Variants in ZNF675 observed in about 807,000 individuals in gnomAD.
ZNF675 encodes zinc finger protein 675.
Under a neutral mutation model 56.1 loss-of-function variants are expected in ZNF675, and 36 were observed. The observed-to-expected ratio is 0.64, with a 90% CI of 0.49 to 0.85. The LOEUF (loss-of-function observed/expected upper bound fraction) is 0.85, where lower values mean the gene tolerates loss of function less well. Among genes scored for constraint, ZNF675 ranks in the 40% least tolerant of loss-of-function variants. The pLI is 0.00. For missense variants in ZNF675, 663 were observed against 654.2 expected (o/e 1.01, Z -0.15); for synonymous variants, 200 against 218.9 (o/e 0.91, Z 0.76).
At chr19:23,679,166 C>A (rs373530245) in intron 1 of ZNF675, among the ~76,000 whole-genome samples, 766 of 99,230 alleles carry the variant, frequency 7.7e-3, no homozygotes, top group East Asian at 0.014. Context: ...GACTCCGTCT[C>A]AAAAAAAAAA....
In ZNF675 at chr19:23,687,119, G is replaced by A. The variant is rs1599428488; in HGVS notation, c.-86C>T. The A allele has an allele frequency of 5.9e-6, 9 of 1,530,992 alleles. No individual in the cohort carries two copies. In the East Asian group the frequency reaches 1.1e-4, roughly 19 times the overall value. The allele number at this position is 1,530,992 out of a possible 1,614,324, so 94.8% of individuals were successfully genotyped here. On this transcript the variant is annotated 5_prime_UTR_variant, in exon 1 of 4. Transcript: ENST00000359788. ...CAGGCCCACAGAGGCTGGACCTCTA[G>A]GAGCAGAGGACACAGAGCAATGAAA... is the stretch of plus-strand genomic sequence containing the variant.
At position 23,680,392 on chromosome 19, in the gene ZNF675, T is replaced by C. The variant is rs562793325; in HGVS notation, c.3+6639A>G. The stretch of plus-strand genomic sequence containing the variant: ...CAAGATCATTTCTTTTGCAGCAACA[T>C]GTACAGAGCTAGAGACCACTATCCT... On this transcript the variant is annotated intron_variant, in intron 1 of 3. Coordinates refer to ENST00000359788, the MANE Select transcript of ZNF675 (RefSeq NM_138330.3). 5.9e-5 allele frequency among the ~76,000 whole-genome samples: 9 copies of C among 151,872 alleles called. 1 individual carries two copies. Among genetic ancestry groups the C allele is most frequent in the African/African-American group, 2.2e-4 (9 of 41,190 alleles).
At chr19:23,659,937 C>CGT (rs1306837740) in intron 3 of ZNF675, among the ~76,000 whole-genome samples, 7 of 144,772 alleles carry the variant, frequency 4.8e-5, no homozygotes, top group African/African-American at 1.0e-4. Context: ...TCTGCCTATA[C>CGT]AGAAACCCAC....
chr19:23,655,474 A>C (rs1967970830), intron 3 of ZNF675: 1 of 151,848 alleles, frequency 6.6e-6, no homozygotes, highest in Admixed American at 6.6e-5. Context: ...TCAGGTAAAG[A>C]AGCCAGGTTT....
Position 23,687,147 on chromosome 19 carries a change from G to A in ZNF675, c.-114C>T. 7.8e-7 allele frequency: 1 copy of A among 1,283,172 alleles called. No individual in the cohort carries two copies. The highest frequency in any genetic ancestry group is 1.1e-6 in the Non-Finnish European group (1 of 894,170). The allele number at this position is 1,283,172 out of a possible 1,614,324, so 79.5% of individuals were successfully genotyped here. A position where few individuals can be genotyped will look rare whatever the true frequency, so the allele number is the denominator to read the frequency against. On this transcript the variant is annotated 5_prime_UTR_variant, in exon 1 of 4. Transcript: ENST00000359788. The stretch of plus-strand genomic sequence containing the variant: ...GCAGAGGACACAGAGCAATGAAAGC[G>A]AGACCTGGAGCTCCGGCTGCAGCGA...
At chr19:23,666,395 A>G (rs1337720018) in intron 1 of ZNF675, among the ~76,000 whole-genome samples, 1 of 152,216 alleles carries the variant, frequency 6.6e-6, no homozygotes, top group African/African-American at 2.4e-5. Context: ...TCCTGCAACT[A>G]ATCAGAGCAA....
chr19:23,655,920 C>G (rs1365781513), intron 3 of ZNF675: 1 of 152,106 alleles, frequency 6.6e-6, no homozygotes, highest in Admixed American at 6.5e-5. Context: ...TAGCGAGACC[C>G]TGTTCCTACA....
intron 1 of ZNF675, among the ~76,000 whole-genome samples, chr19:23,679,245 C>T (rs1341684817): frequency 6.7e-6 from 1 of 149,880 alleles, no homozygotes; most frequent in South Asian, 2.1e-4. Flanking sequence ...CACACACTTA[C>T]AACCATACGA....
intron 1 of ZNF675, among the ~76,000 whole-genome samples, chr19:23,680,678 T>C (rs1968365072): frequency 6.6e-6 from 1 of 151,548 alleles, no homozygotes; most frequent in African/African-American, 2.4e-5. Flanking sequence ...CGCCTGAACC[T>C]GGGAGATGGA....
chr19:23,662,707 T>G (rs539560265), intron 2 of ZNF675, among the ~76,000 whole-genome samples: 19 of 152,240 alleles, frequency 1.2e-4, no homozygotes, highest in African/African-American at 4.3e-4. Context: ...GGGACAGGCA[T>G]GGTGGCTCAC....
chr19:23,654,742 C>T (rs781208568), intron 3 of ZNF675, 36 bp from the exon 4 acceptor site: 12 of 1,463,688 alleles, frequency 8.2e-6, no homozygotes, highest in African/African-American at 4.2e-5. Context: ...ACTTTACAGA[C>T]TCAGATAAAT....
intron 3 of ZNF675, chr19:23,656,647 C>T (rs1377345001): frequency 1.3e-5 from 2 of 152,086 alleles, no homozygotes; most frequent in African/African-American, 2.4e-5. Context: ...CACACACACA[C>T]ACACACAATG....
rs1355655622 is a variant in ZNF675 at position 23,658,954 on chromosome 19, G to GATATCTATAGATAT, written c.226+3159_226+3160insATATCTATAGATAT. On this transcript the variant is annotated intron_variant, in intron 3 of 3. Transcript: ENST00000359788. ...ACCGATCTATAGATATAGATCTCTA[G>GATATCTATAGATAT]AGATCTATAGATAGATATAGATCTA... is the stretch of plus-strand genomic sequence containing the variant. Among the ~76,000 whole-genome samples the GATATCTATAGATAT allele has an allele frequency of 5.9e-3, 60 of 10,242 alleles. No homozygotes were observed. In the Non-Finnish European group the frequency reaches 0.062, roughly 11 times the overall value. The allele number at this position is 10,242 out of a possible 152,430, so 6.7% of individuals were successfully genotyped here.
chr19:23,668,548 G>T (rs1386016320), intron 1 of ZNF675, among the ~76,000 whole-genome samples: 1 of 152,224 alleles, frequency 6.6e-6, no homozygotes, highest in Admixed American at 6.5e-5. Flanking sequence ...CCCTTGGGCG[G>T]TCGATGGGAC....
intron 1 of ZNF675, among the ~76,000 whole-genome samples, chr19:23,669,211 G>A (rs560301262): frequency 6.6e-6 from 1 of 152,308 alleles, no homozygotes; most frequent in African/African-American, 2.4e-5. Context: ...GAGCAAACAG[G>A]GCTGCCTGTC....
At chr19:23,656,597 A>C (rs1325074042) in intron 3 of ZNF675, 1 of 134,998 alleles carries the variant, frequency 7.4e-6, no homozygotes, top group Admixed American at 8.4e-5. Flanking sequence ...ACTCCATCTC[A>C]AAAAAACAAA....
intron 3 of ZNF675, among the ~76,000 whole-genome samples, chr19:23,659,884 A>G (rs2144925142): frequency 1.3e-5 from 2 of 152,296 alleles, no homozygotes; most frequent in East Asian, 3.9e-4. Context: ...GAAGCAGTTC[A>G]ATGACTCAGT....
intron 3 of ZNF675, chr19:23,657,105 T>A (rs1159511667): frequency 6.6e-6 from 1 of 152,042 alleles, no homozygotes; most frequent in East Asian, 1.9e-4. Context: ...TGGCTATTTT[T>A]AAAAATTTTT....
intron 2 of ZNF675, among the ~76,000 whole-genome samples, chr19:23,662,631 A>G (rs1473386650): frequency 1.3e-5 from 2 of 152,218 alleles, no homozygotes; most frequent in African/African-American, 4.8e-5. Flanking sequence ...CAAAGCATAC[A>G]TTACCAAAAT....
Sources: gnomAD v4.1 joint callset for allele counts (sites outside exome capture counted in the v4.1 genomes callset) on GRCh38, gnomAD v4.1.1 for gene constraint, MANE v1.5 for transcripts, NCBI Gene and HGNC (gene_info 2026-07-23, HGNC 2026-07-21) for gene names.